Variants in CKAP4 observed in about 807,000 individuals in gnomAD.
CKAP4 encodes cytoskeleton-associated protein 4.
A neutral mutation model predicts 24.4 loss-of-function variants in CKAP4; 20 were observed. The observed-to-expected ratio is 0.82, with a 90% CI of 0.58 to 1.19. CKAP4 has a LOEUF of 1.19. CKAP4 is among the 50% of genes most tolerant of loss of function. The pLI is 0.00. For synonymous variants in CKAP4, 378 were observed against 351.7 expected (o/e 1.07, Z -0.84); for missense variants, 744 against 765.3 (o/e 0.97, Z 0.33).
At position 106,240,089 on chromosome 12, in the gene CKAP4, G is replaced by A. The variant is rs755671922; in HGVS notation, c.744C>T (p.Ile248=). The A allele has an allele frequency of 6.2e-7, 1 of 1,614,150 alleles. No homozygotes were observed. The highest frequency in any genetic ancestry group is 1.1e-5 in the South Asian group (1 of 91,078). Residue 248 remains isoleucine, a synonymous_variant, in exon 2 of 2, where the codon ATC becomes ATT. Transcript: ENST00000378026. ...CTGTGAAGATGGCGATGTTGTCGTT[G>A]ATGGATTTGGTGAGCTCCGTCAGCC... ...EERLTELTKS[I]NDNIAIFTEV...
chr12:106,246,508 C>T (rs557094241), intron 1 of CKAP4, among the ~76,000 whole-genome samples: 1 of 152,184 alleles, frequency 6.6e-6, no homozygotes, highest in African/African-American at 2.4e-5. Context: ...TTTGGGAGGC[C>T]GAGGCAGGCG....
In CKAP4 at chr12:106,247,669, G is replaced by A. The variant is rs980278346; in HGVS notation, c.183C>T (p.Asn61=). The A allele has an allele frequency of 2.7e-6, 3 of 1,106,916 alleles. No individual in the cohort carries two copies. The highest frequency in any genetic ancestry group is 3.4e-6 in the Non-Finnish European group (3 of 895,226). The allele number at this position is 1,106,916 out of a possible 1,614,324, so 68.6% of individuals were successfully genotyped here. Residue 61 remains asparagine (N), a synonymous_variant, in exon 1 of 2, where the codon AAC becomes AAT. Transcript: ENST00000378026. This position sits in a 1 kb window ranked among gnomAD's most constrained non-coding sequence, Gnocchi z 4.5. ...PQQHPQQHPQ[N]QAHGKGGHRG... is the part of the protein sequence containing the mutation. ...GGTGGCCGCCCTTGCCGTGCGCCTG[G>A]TTCTGCGGGTGCTGCTGCGGGTGCT...
rs113611526 is a variant in CKAP4 at position 106,239,405 on chromosome 12, G to T, written c.1428C>A (p.Gly476=). ...DGLASTVRSL[G]ETQLVLYGDV... ...CACCGTAGAGCACCAGCTGGGTCTC[G>T]CCCAGGCTCCTCACCGTGCTGGCCA... The change falls in exon 2 of 2, where the codon GGC becomes GGA. Residue 476 remains glycine, a synonymous_variant. Coordinates refer to ENST00000378026, the MANE Select transcript of CKAP4 (RefSeq NM_006825.4). This position sits in a 1 kb window ranked among gnomAD's most constrained non-coding sequence, Gnocchi z 4.9. 8 of 1,599,646 alleles carry T rather than the reference G, an allele frequency of 5.0e-6. No homozygotes were observed. The highest frequency in any genetic ancestry group is 6.8e-6 in the Non-Finnish European group (8 of 1,177,732).
chr12:106,244,651 G>T (rs776202106), intron 1 of CKAP4, among the ~76,000 whole-genome samples: 2 of 152,116 alleles, frequency 1.3e-5, no homozygotes. Context: ...ATAGCTGGAC[G>T]TGCTTGTGCA....
rs34135868 is a variant in CKAP4 at position 106,241,331 on chromosome 12, CTTTTT to C, written c.484-987_484-983del. On this transcript the variant is annotated intron_variant, in intron 1 of 1. Coordinates refer to ENST00000378026, the MANE Select transcript of CKAP4 (RefSeq NM_006825.4). Reference sequence around the variant, plus strand: ...AAACTAAAAATGTCAGCCAGGGATTCTTTTTTTTTTTTTTTTTTTGAGACGGAGTC... The same window carrying C: ...AAACTAAAAATGTCAGCCAGGGATTCTTTTTTTTTTTTTTGAGACGGAGTC... Among the ~76,000 whole-genome samples the C allele has an allele frequency of 3.9e-5, 5 of 127,478 alleles. No homozygotes were observed. In the South Asian group the frequency reaches 7.4e-4, roughly 19 times the overall value. 83.6% of individuals were successfully genotyped at this position (127,478 alleles called of 152,430 possible).
rs368446858 is a variant in CKAP4 at position 106,247,323 on chromosome 12, G to C, written c.483+46C>G. On this transcript the variant is annotated intron_variant, in intron 1 of 1. Transcript: ENST00000378026. The surrounding 1 kb of genome is among the most constrained non-coding windows in gnomAD (Gnocchi z 4.5). ...CACGAAGGAGCCCGGCCGTGGGTCC[G>C]GAGGCCGCAGTCGATGGGGACAGTT... 6 of 1,480,598 alleles carry C rather than the reference G, an allele frequency of 4.1e-6. No homozygotes were observed. Among genetic ancestry groups the C allele is most frequent in the East Asian group, 2.8e-5 (1 of 36,214 alleles). The allele number at this position is 1,480,598 out of a possible 1,614,324, so 91.7% of individuals were successfully genotyped here.
In CKAP4 at chr12:106,237,966, T is replaced by TG. The variant is rs1491218544; in HGVS notation, c.*1057_*1058insC. 3 of 114,404 alleles carry TG rather than the reference T, an allele frequency of 2.6e-5. No homozygotes were observed. The highest frequency in any genetic ancestry group is 3.8e-5 in the Non-Finnish European group (2 of 52,974). The allele number at this position is 114,404 out of a possible 1,614,324, so 7.1% of individuals were successfully genotyped here. On this transcript the variant is annotated 3_prime_UTR_variant, in exon 2 of 2. Transcript: ENST00000378026. ...CATTTCACAGTAAACTAAACAAAAC[T>TG]TTTTTTTTTTTTTTTTACTTTTCGG...
In CKAP4 at chr12:106,247,350, C is replaced by A; in HGVS notation, c.483+19G>T. The A allele has an allele frequency of 6.6e-7, 1 of 1,516,262 alleles. No individual in the cohort carries two copies. Among genetic ancestry groups the A allele is most frequent in the Non-Finnish European group, 8.8e-7 (1 of 1,136,220 alleles). 93.9% of individuals were successfully genotyped at this position (1,516,262 alleles called of 1,614,324 possible). On this transcript the variant is annotated intron_variant, in intron 1 of 1. Coordinates refer to ENST00000378026, the MANE Select transcript of CKAP4 (RefSeq NM_006825.4). This position sits in a 1 kb window ranked among gnomAD's most constrained non-coding sequence, Gnocchi z 4.5. ...AGGCCGCAGTCGATGGGGACAGTTG[C>A]GGGGCCGGGGGTACCCACCTTCTGC...
Position 106,247,156 on chromosome 12 carries a change from C to T in CKAP4, c.483+213G>A, listed in dbSNP as rs911058543. On this transcript the variant is annotated intron_variant, in intron 1 of 1. Transcript: ENST00000378026. This position sits in a 1 kb window ranked among gnomAD's most constrained non-coding sequence, Gnocchi z 4.5. ...TCCCTCGGGGCCGATTCCTCCGCAG[C>T]CATTAACAAAGGGGGTCTGGGGACT... Among the ~76,000 whole-genome samples the T allele has an allele frequency of 1.3e-5, 2 of 152,186 alleles. No homozygotes were observed. The highest frequency in any genetic ancestry group is 6.5e-5 in the Admixed American group (1 of 15,288).
At position 106,247,955 on chromosome 12, in the gene CKAP4, G is replaced by A. The variant is rs1379924870; in HGVS notation, c.-104C>T. 4.2e-6 allele frequency: 3 copies of A among 717,448 alleles called. No homozygotes were observed. The highest frequency in any genetic ancestry group is 5.2e-6 in the Non-Finnish European group (3 of 581,896). The allele number at this position is 717,448 out of a possible 1,614,324, so 44.4% of individuals were successfully genotyped here. A position where few individuals can be genotyped will look rare whatever the true frequency, so the allele number is the denominator to read the frequency against. ...TCCCCCGGGACTGGGCGAGCGGCAC[G>A]CGGGCGCTGCTGGCGTCGGAGCGGC... On this transcript the variant is annotated 5_prime_UTR_variant, in exon 1 of 2. Transcript: ENST00000378026. The surrounding 1 kb of genome is among the most constrained non-coding windows in gnomAD (Gnocchi z 4.5).
chr12:106,243,346 A>C (rs1364490600), intron 1 of CKAP4, among the ~76,000 whole-genome samples: 1 of 152,210 alleles, frequency 6.6e-6, no homozygotes, highest in Non-Finnish European at 1.5e-5. Context: ...TGAGCTCTCA[A>C]CCAGTATGTG....
intron 1 of CKAP4, among the ~76,000 whole-genome samples, chr12:106,245,123 A>G (rs2136536815): frequency 6.6e-6 from 1 of 152,146 alleles, no homozygotes; most frequent in South Asian, 2.1e-4. Context: ...CTCTCTCTCA[A>G]ACATGCTCAA....
chr12:106,239,513 C>T lies in CKAP4; in HGVS notation c.1320G>A (p.Lys440=). ...QTESLESLLS[K]SQEHEQRLAA... ...CCAGGCGCTGCTCGTGCTCCTGGCT[C>T]TTGGACAGGAGGGACTCCAGGCTCT... Residue 440 remains lysine (K), a synonymous_variant, in exon 2 of 2, where the codon AAG becomes AAA. Coordinates refer to ENST00000378026, the MANE Select transcript of CKAP4 (RefSeq NM_006825.4). This position sits in a 1 kb window ranked among gnomAD's most constrained non-coding sequence, Gnocchi z 4.9. The T allele has an allele frequency of 6.2e-7, 1 of 1,609,856 alleles. No homozygotes were observed. Among genetic ancestry groups the T allele is most frequent in the Non-Finnish European group, 8.5e-7 (1 of 1,179,434 alleles).
chr12:106,241,289 C>T (rs2033968082), intron 1 of CKAP4, among the ~76,000 whole-genome samples: 1 of 151,012 alleles, frequency 6.6e-6, no homozygotes, highest in African/African-American at 2.4e-5. Context: ...GGAAATAAAT[C>T]CTAAAATGCT....
Position 106,238,661 on chromosome 12 carries a change from CCTTT to C in CKAP4, c.*359_*362del, listed in dbSNP as rs1565947895. On this transcript the variant is annotated 3_prime_UTR_variant, in exon 2 of 2. Transcript: ENST00000378026. Reference sequence around the variant, plus strand: ...GAAAGAAAAGGGTCCCCCCAACCCACCTTTTTTTTTTTTTTACTTGAAATCTGCC... The same window carrying C: ...GAAAGAAAAGGGTCCCCCCAACCCACTTTTTTTTTTTACTTGAAATCTGCC... 1.1e-5 allele frequency: 2 copies of C among 183,462 alleles called. No homozygotes were observed. The highest frequency in any genetic ancestry group is 2.4e-5 in the African/African-American group (1 of 42,104). The allele number at this position is 183,462 out of a possible 1,614,324, so 11.4% of individuals were successfully genotyped here. A position where few individuals can be genotyped will look rare whatever the true frequency, so the allele number is the denominator to read the frequency against.
chr12:106,244,172 CT>C lies in CKAP4; in HGVS notation c.483+3196del, dbSNP rs367598293. ...ACACTGTTCTGGCCATGTTCTGAGT[CT>C]CAAGTCAATGGAACATTTATTGGGC... On this transcript the variant is annotated intron_variant, in intron 1 of 1. Transcript: ENST00000378026. Among the ~76,000 whole-genome samples, 421 of 152,342 alleles carry C rather than the reference CT, an allele frequency of 2.8e-3. 6 individuals are homozygous for C. Among genetic ancestry groups the C allele is most frequent in the African/African-American group, 9.9e-3 (410 of 41,578 alleles).
In CKAP4 at chr12:106,238,941, T is replaced by TA; in HGVS notation, c.*82dup. 6.8e-7 allele frequency: 1 copy of TA among 1,465,160 alleles called. No homozygotes were observed. The highest frequency in any genetic ancestry group is 9.3e-7 in the Non-Finnish European group (1 of 1,070,072). 90.8% of individuals were successfully genotyped at this position (1,465,160 alleles called of 1,614,324 possible). On this transcript the variant is annotated 3_prime_UTR_variant, in exon 2 of 2. Coordinates refer to ENST00000378026, the MANE Select transcript of CKAP4 (RefSeq NM_006825.4). ...TAAGAGGGGACAAGAAATTGGGGGG[T>TA]AGGGGACACATGGGAAAAAACCACA...
rs377407880 is a variant in CKAP4 at position 106,239,010 on chromosome 12, C to A, written c.*14G>T. Reference sequence around the variant, plus strand: ...AATTGGACTTTAAATCCGCGCCCTGCACACGCAATTCATTTAGACCTTTTC... The same window carrying A: ...AATTGGACTTTAAATCCGCGCCCTGAACACGCAATTCATTTAGACCTTTTC... On this transcript the variant is annotated 3_prime_UTR_variant, in exon 2 of 2. Transcript: ENST00000378026. The surrounding 1 kb of genome is among the most constrained non-coding windows in gnomAD (Gnocchi z 4.9). 6.2e-6 allele frequency: 10 copies of A among 1,606,832 alleles called. No individual in the cohort carries two copies. In the African/African-American group the frequency reaches 1.2e-4, roughly 19 times the overall value.
Position 106,247,951 on chromosome 12 carries a change from G to T in CKAP4, c.-100C>A, listed in dbSNP as rs574774303. On this transcript the variant is annotated 5_prime_UTR_variant, in exon 1 of 2. Coordinates refer to ENST00000378026, the MANE Select transcript of CKAP4 (RefSeq NM_006825.4). The surrounding 1 kb of genome is among the most constrained non-coding windows in gnomAD (Gnocchi z 4.5). The stretch of plus-strand genomic sequence containing the variant: ...GGGCTCCCCCGGGACTGGGCGAGCG[G>T]CACGCGGGCGCTGCTGGCGTCGGAG... The T allele has an allele frequency of 9.3e-5, 67 of 722,312 alleles. 1 individual carries two copies. In the East Asian group the frequency reaches 3.3e-3, roughly 36 times the overall value. 44.7% of individuals were successfully genotyped at this position (722,312 alleles called of 1,614,324 possible). A position where few individuals can be genotyped will look rare whatever the true frequency, so the allele number is the denominator to read the frequency against.
Sources: gnomAD v4.1 joint callset for allele counts (sites outside exome capture counted in the v4.1 genomes callset) on GRCh38, gnomAD v4.1.1 for gene constraint, Gnocchi (gnomAD v3.1) non-coding constraint, MANE v1.5 for transcripts, NCBI Gene and HGNC (gene_info 2026-07-23, HGNC 2026-07-21) for gene names.